Variants in CDYL2 observed in about 807,000 individuals in gnomAD.
CDYL2 encodes the protein chromodomain Y like 2.
A neutral mutation model predicts 49.4 loss-of-function variants in CDYL2; 23 were observed. The ratio of observed to expected loss-of-function variants is 0.47; its 90% CI spans 0.34 to 0.66. CDYL2 has a LOEUF of 0.66. Among genes scored for constraint, CDYL2 ranks in the 30% least tolerant of loss-of-function variants. CDYL2 has a pLI of 0.01. For synonymous variants in CDYL2, 360 were observed against 268.8 expected, an observed-to-expected ratio of 1.34 and a Z score of -3.32; for missense variants, 678 against 656.4, an observed-to-expected ratio of 1.03 and a Z score of -0.36.
chr16:80,640,449 G>A (rs148009992), intron 2 of CDYL2, among the ~76,000 whole-genome samples: 10 of 152,222 alleles, frequency 6.6e-5, no homozygotes, highest in Admixed American at 1.3e-4. Context: ...AGGGCCTTGG[G>A]TAAGACTCCG....
At chr16:80,645,661 T>C (rs927291671) in intron 2 of CDYL2, among the ~76,000 whole-genome samples, 2 of 152,154 alleles carry the variant, frequency 1.3e-5, no homozygotes, top group African/African-American at 4.8e-5. Flanking sequence ...TTATAAATCA[T>C]GCTGCTATAA....
At chr16:80,618,489 T>G (rs1906932024) in intron 4 of CDYL2, among the ~76,000 whole-genome samples, 1 of 152,110 alleles carries the variant, frequency 6.6e-6, no homozygotes, top group Non-Finnish European at 1.5e-5. Flanking sequence ...AGGAGACACT[T>G]CCCTCACCAG....
intron 1 of CDYL2, among the ~76,000 whole-genome samples, chr16:80,744,212 G>C (rs188311104): frequency 6.6e-6 from 1 of 152,150 alleles, no homozygotes; most frequent in South Asian, 2.1e-4. Context: ...GAAAAGGCAG[G>C]AGCCCTGGGG....
chr16:80,639,065 G>C (rs946915396), intron 2 of CDYL2, among the ~76,000 whole-genome samples: 1 of 152,136 alleles, frequency 6.6e-6, no homozygotes, highest in African/African-American at 2.4e-5. Context: ...CCTCAACAAA[G>C]AAGTTATACA....
Position 80,684,821 on chromosome 16 carries a change from A to T in CDYL2, c.333T>A (p.Pro111=). 6.2e-7 allele frequency: 1 copy of T among 1,613,900 alleles called. No individual in the cohort carries two copies. Among genetic ancestry groups the T allele is most frequent in the South Asian group, 1.1e-5 (1 of 91,042 alleles). The change falls in exon 2 of 7, where the codon CCT becomes CCA. Residue 111 remains proline, a synonymous_variant. Transcript: ENST00000570137. Reference sequence around the variant, plus strand: ...ACCCTTTTTTTGGCTTGGCCAGGGGAGGGTTAATTCGCTTCCGTTTATGGG... The same window carrying T: ...ACCCTTTTTTTGGCTTGGCCAGGGGTGGGTTAATTCGCTTCCGTTTATGGG... The part of the protein sequence containing the change: ...GTSHKRKRIN[P]PLAKPKKGYS...
chr16:80,612,617 G>T lies in CDYL2; in HGVS notation c.1218+9C>A. ...TGGGACCCGAATCCAGGTATCACAG[G>T]AGGCTTACCAGCGCGACGCCCAGGA... On this transcript the variant is annotated intron_variant, in intron 5 of 6. Coordinates refer to ENST00000570137, the MANE Select transcript of CDYL2 (RefSeq NM_152342.4). The surrounding 1 kb of genome is among the most constrained non-coding windows in gnomAD (Gnocchi z 5.0). 1.3e-6 allele frequency: 2 copies of T among 1,595,060 alleles called. No homozygotes were observed. The highest frequency in any genetic ancestry group is 1.7e-6 in the Non-Finnish European group (2 of 1,170,410).
intron 1 of CDYL2, among the ~76,000 whole-genome samples, chr16:80,768,768 T>C (rs985289797): frequency 6.6e-6 from 1 of 152,234 alleles, no homozygotes; most frequent in African/African-American, 2.4e-5. Flanking sequence ...TGGGTTCAGA[T>C]CCTGCCTCCT....
chr16:80,668,370 C>G (rs1909358603), intron 2 of CDYL2, among the ~76,000 whole-genome samples: 1 of 152,162 alleles, frequency 6.6e-6, no homozygotes, highest in African/African-American at 2.4e-5. Context: ...ATATACATAT[C>G]TATACCTACA....
At chr16:80,665,237 C>T (rs1223390880) in intron 2 of CDYL2, among the ~76,000 whole-genome samples, 2 of 152,142 alleles carry the variant, frequency 1.3e-5, no homozygotes, top group Non-Finnish European at 2.9e-5. Context: ...AAGCTCCATG[C>T]ATCCTTCAGG....
rs1478215852 is a variant in CDYL2, at chr16:80,712,189, GTGTATATA to G, written c.25-27068_25-27061del. Among the ~76,000 whole-genome samples the G allele has an allele frequency of 4.9e-3, 368 of 75,856 alleles. 15 individuals are homozygous for G. The highest frequency in any genetic ancestry group is 0.011 in the African/African-American group (344 of 30,150). 49.8% of individuals were successfully genotyped at this position (75,856 alleles called of 152,430 possible). On this transcript the variant is annotated intron_variant, in intron 1 of 6. Transcript: ENST00000570137. ...TATATATGTGTCTTTGTGTCTGTGT[GTGTATATA>G]TATATATATATATATATATCTCCAA...
rs758098487 is a variant in CDYL2 at position 80,633,128 on chromosome 16, T to G, written c.725A>C (p.Gln242Pro). 6.2e-7 allele frequency: 1 copy of G among 1,614,220 alleles called. No homozygotes were observed. Among genetic ancestry groups the G allele is most frequent in the Non-Finnish European group, 8.5e-7 (1 of 1,180,038 alleles). Residue 242 changes from glutamine (Q) to proline (P), a missense_variant, in exon 3 of 7, where the codon CAG (glutamine) becomes CCG (proline). This residue lies in a region of CDYL2 where 478 missense variants were observed against 427.0 expected (regional missense o/e 1.12). Coordinates refer to ENST00000570137, the MANE Select transcript of CDYL2 (RefSeq NM_152342.4). The stretch of plus-strand genomic sequence containing the variant: ...TCGAAACCGACAGTTGCTTTCATTC[T>G]GGCGGACACTGTATCTGAGCCTTTT... ...FDKRLRYSVR[Q>P]NESNCRFRDI...
chr16:80,802,721 G>A (rs1567450215), intron 1 of CDYL2, among the ~76,000 whole-genome samples: 2 of 152,170 alleles, frequency 1.3e-5, no homozygotes, highest in African/African-American at 4.8e-5. Context: ...CAAGAACATG[G>A]TCACACAGGA....
intron 1 of CDYL2, among the ~76,000 whole-genome samples, chr16:80,777,252 T>G (rs111365413): frequency 5.9e-5 from 9 of 152,256 alleles, no homozygotes; most frequent in African/African-American, 2.2e-4. Flanking sequence ...TTTTTAAAAC[T>G]ATGTGTCGAG....
chr16:80,665,857 C>T (rs185607710), intron 2 of CDYL2, among the ~76,000 whole-genome samples: 4 of 152,308 alleles, frequency 2.6e-5, no homozygotes, highest in African/African-American at 9.6e-5. Flanking sequence ...TGTCCTGCAA[C>T]CCATTCTTTG....
chr16:80,644,273 T>C (rs1297063935), intron 2 of CDYL2, among the ~76,000 whole-genome samples: 6 of 152,246 alleles, frequency 3.9e-5, no homozygotes, highest in Non-Finnish European at 5.9e-5. Flanking sequence ...CATCTAAGCC[T>C]GGACCTTATT....
intron 1 of CDYL2, among the ~76,000 whole-genome samples, chr16:80,747,721 G>A (rs2142559199): frequency 6.6e-6 from 1 of 152,232 alleles, no homozygotes; most frequent in African/African-American, 2.4e-5. Flanking sequence ...TATCTTCACA[G>A]ACCCCTCTAG....
chr16:80,603,310 C>G lies in CDYL2; in HGVS notation c.*1078G>C, dbSNP rs1028318231. 5 of 152,144 alleles carry G rather than the reference C, an allele frequency of 3.3e-5. No individual in the cohort carries two copies. Among genetic ancestry groups the G allele is most frequent in the African/African-American group, 1.2e-4 (5 of 41,416 alleles). 9.4% of individuals were successfully genotyped at this position (152,144 alleles called of 1,614,324 possible). A position where few individuals can be genotyped will look rare whatever the true frequency, so the allele number is the denominator to read the frequency against. On this transcript the variant is annotated 3_prime_UTR_variant, in exon 7 of 7. Coordinates refer to ENST00000570137, the MANE Select transcript of CDYL2 (RefSeq NM_152342.4). ...CAGGTAGGGCCTATCCCCACTCCTG[C>G]CCAACATCACGCAATTTGGGACTGG...
rs1233597988 is a variant in CDYL2, at chr16:80,657,530, C to T, written c.617-24294G>A. On this transcript the variant is annotated intron_variant, in intron 2 of 6. Coordinates refer to ENST00000570137, the MANE Select transcript of CDYL2 (RefSeq NM_152342.4). ...TGGCCCTTAAATAGAAGAAATGGCT[C>T]CAAATCCACCCAAAAGAATAGTGCA... is the stretch of plus-strand genomic sequence containing the variant. Among the ~76,000 whole-genome samples, 4 of 152,126 alleles carry T rather than the reference C, an allele frequency of 2.6e-5. No individual in the cohort carries two copies. In the South Asian group the frequency reaches 8.3e-4, roughly 32 times the overall value.
chr16:80,712,189 G>GTACA (rs527296483), intron 1 of CDYL2, among the ~76,000 whole-genome samples: 12,082 of 75,774 alleles, frequency 0.16, 1,027 homozygotes, highest in Admixed American at 0.32. Flanking sequence ...GTGTCTGTGT[G>GTACA]TGTATATATA....
Sources: allele counts gnomAD v4.1 joint callset (sites outside exome capture counted in the v4.1 genomes callset), GRCh38; gene constraint gnomAD v4.1.1; regional missense constraint gnomAD v4.1.1; non-coding constraint Gnocchi (gnomAD v3.1); transcripts MANE v1.5; gene names NCBI Gene and HGNC (gene_info 2026-07-23, HGNC 2026-07-21).